The following SEMA3C variants were observed in gnomAD, a reference collection of about 807,000 sequenced individuals.
SEMA3C encodes semaphorin-3C.
A neutral mutation model predicts 89.4 loss-of-function variants in SEMA3C; 47 were observed. The ratio of observed to expected loss-of-function variants is 0.53; its 90% confidence interval spans 0.42 to 0.67. SEMA3C has a LOEUF of 0.67. SEMA3C is among the 30% of genes least tolerant of loss of function. The pLI is 0.00. For missense variants in SEMA3C, 839 were observed against 929.1 expected, an observed-to-expected ratio of 0.90 and a Z score of 1.26; for synonymous variants, 310 against 320.2, an observed-to-expected ratio of 0.97 and a Z score of 0.34.
At chr7:80,863,339 TAA>T (rs61621477) in intron 2 of SEMA3C, among the ~76,000 whole-genome samples, 1 of 128,138 alleles carries the variant, frequency 7.8e-6, no homozygotes. Context: ...ATCAAAATAT[TAA>T]AAAAAAAAAA....
chr7:80,750,493 CACACACACAT>C (rs1389871151), intron 16 of SEMA3C, among the ~76,000 whole-genome samples: 34 of 143,328 alleles, frequency 2.4e-4, no homozygotes, highest in African/African-American at 8.9e-4. Context: ...CACACACACA[CACACACACAT>C]ACACACACAC....
chr7:80,900,018 A>AT (rs1791837752), intron 2 of SEMA3C, among the ~76,000 whole-genome samples: 1 of 152,014 alleles, frequency 6.6e-6, no homozygotes, highest in South Asian at 2.1e-4. Flanking sequence ...GAAGTCTGGG[A>AT]TTTTCACATA....
chr7:80,814,631 G>A (rs938630840), intron 5 of SEMA3C, among the ~76,000 whole-genome samples: 1 of 151,602 alleles, frequency 6.6e-6, no homozygotes, highest in East Asian at 1.9e-4. Context: ...CTTTCCATGG[G>A]ATCTCTCATT....
chr7:80,875,422 T>C (rs1303483044), intron 2 of SEMA3C, among the ~76,000 whole-genome samples: 1 of 152,194 alleles, frequency 6.6e-6, no homozygotes, highest in East Asian at 1.9e-4. Context: ...TAAAGACACA[T>C]TTCTGGGAGA....
chr7:80,745,307 C>T lies in SEMA3C; in HGVS notation c.1843G>A (p.Val615Ile), dbSNP rs770423019. 8.7e-6 allele frequency: 14 copies of T among 1,611,776 alleles called. No individual in the cohort carries two copies. In the South Asian group the frequency reaches 1.4e-4, roughly 16 times the overall value. Reference sequence around the variant, plus strand: ...GCTATTATTCGTTCATTCAGCTTAACCTAAAAGAGAGACAAATTAAAGTTA... The same window carrying T: ...GCTATTATTCGTTCATTCAGCTTAATCTAAAAGAGAGACAAATTAAAGTTA... ...LQKDKDRRKE[V>I]KLNERIIATS... Residue 615 changes from valine to isoleucine, a missense_variant and splice_region_variant, in exon 18 of 18, where the codon GTT becomes ATT. Coordinates refer to ENST00000265361, the MANE Select transcript of SEMA3C (RefSeq NM_006379.5).
At chr7:80,913,786 CAACAGGGAAGGCA>C (rs1792207620) in intron 2 of SEMA3C, among the ~76,000 whole-genome samples, 1 of 152,172 alleles carries the variant, frequency 6.6e-6, no homozygotes, top group Non-Finnish European at 1.5e-5. Flanking sequence ...TGCCCTAGAT[CAACAGGGAAGGCA>C]AACCTGTAAA....
At chr7:80,853,268 A>G (rs1395749815) in intron 2 of SEMA3C, among the ~76,000 whole-genome samples, 2 of 152,182 alleles carry the variant, frequency 1.3e-5, no homozygotes, top group African/African-American at 4.8e-5. Context: ...ATTGCTGGGT[A>G]CATATGCAAA....
At chr7:80,882,068 C>A (rs1413240608) in intron 2 of SEMA3C, among the ~76,000 whole-genome samples, 1 of 152,134 alleles carries the variant, frequency 6.6e-6, no homozygotes, top group Non-Finnish European at 1.5e-5. Context: ...TGCCCACGTT[C>A]CTTCACTGTC....
intron 2 of SEMA3C, among the ~76,000 whole-genome samples, chr7:80,869,923 T>A (rs1791016216): frequency 6.6e-6 from 1 of 152,218 alleles, no homozygotes; most frequent in African/African-American, 2.4e-5. Context: ...GACATTACTT[T>A]CTCTGCTCAC....
chr7:80,881,245 C>G (rs1456710246), intron 2 of SEMA3C, among the ~76,000 whole-genome samples: 1 of 149,704 alleles, frequency 6.7e-6, no homozygotes, highest in Non-Finnish European at 1.5e-5. Flanking sequence ...TCATTTTAAC[C>G]AAGAAGTCAA....
chr7:80,894,128 T>C (rs1183403456), intron 2 of SEMA3C, among the ~76,000 whole-genome samples: 2 of 152,216 alleles, frequency 1.3e-5, no homozygotes, highest in African/African-American at 2.4e-5. Flanking sequence ...CTTTTGTAGA[T>C]AATACTGTCT....
At position 80,744,744 on chromosome 7, in the gene SEMA3C, T is replaced by A; in HGVS notation, c.*150A>T. 2 of 776,408 alleles carry A rather than the reference T, an allele frequency of 2.6e-6. No individual in the cohort carries two copies. Among genetic ancestry groups the A allele is most frequent in the African/African-American group, 1.7e-5 (1 of 57,176 alleles). The allele number at this position is 776,408 out of a possible 1,614,324, so 48.1% of individuals were successfully genotyped here. A position where few individuals can be genotyped will look rare whatever the true frequency, so the allele number is the denominator to read the frequency against. The stretch of plus-strand genomic sequence containing the variant: ...AGTCACTATCATACAAGAAAATGCA[T>A]GCTCATTTCAGTTCGTGTAAAACTC... On this transcript the variant is annotated 3_prime_UTR_variant, in exon 18 of 18. Coordinates refer to ENST00000265361, the MANE Select transcript of SEMA3C (RefSeq NM_006379.5).
chr7:80,828,753 A>C lies in SEMA3C; in HGVS notation c.104-8T>G, dbSNP rs201612300. 22 of 1,601,694 alleles carry C rather than the reference A, an allele frequency of 1.4e-5. No homozygotes were observed. Among genetic ancestry groups the C allele is most frequent in the Non-Finnish European group, 1.8e-5 (21 of 1,171,964 alleles). ...TCTTGGTTTCTCGAAGTTCTGAAAG[A>C]GTGAACAGCACAAGTGTAGATACAG... On this transcript the variant is annotated splice_region_variant and splice_polypyrimidine_tract_variant and intron_variant, in intron 2 of 17. Coordinates refer to ENST00000265361, the MANE Select transcript of SEMA3C (RefSeq NM_006379.5).
upstream of SEMA3C, among the ~76,000 whole-genome samples, chr7:80,920,398 A>G (rs1319522425): frequency 6.6e-6 from 1 of 152,180 alleles, no homozygotes; most frequent in Non-Finnish European, 1.5e-5. Context: ...TGAAACAATC[A>G]TTAAATTCTT....
At position 80,748,870 on chromosome 7, in the gene SEMA3C, T is replaced by C. The variant is rs113240226; in HGVS notation, c.1842+28A>G. On this transcript the variant is annotated intron_variant, in intron 17 of 17. Coordinates refer to ENST00000265361, the MANE Select transcript of SEMA3C (RefSeq NM_006379.5). ...TTTAATGTTCTCTCTGAAGCCCTGA[T>C]GGATTGCTGCTGTGCTGCTTTACTC... 1.6e-4 allele frequency: 250 copies of C among 1,590,672 alleles called. 2 individuals carry two copies. In the African/African-American group the frequency reaches 2.5e-3, roughly 16 times the overall value.
In SEMA3C at chr7:80,883,106, C is replaced by A. The variant is rs1021442867; in HGVS notation, c.103+33573G>T. 3.9e-5 allele frequency among the ~76,000 whole-genome samples: 6 copies of A among 152,220 alleles called. No individual in the cohort carries two copies. In the East Asian group the frequency reaches 9.7e-4, roughly 25 times the overall value. ...TTCTTTCATGTTTTACTGTTATATA[C>A]CTTTATATTTTATCTCTCAAGCATT... On this transcript the variant is annotated intron_variant, in intron 2 of 17. Transcript: ENST00000265361.
chr7:80,778,675 T>G (rs541894514), intron 12 of SEMA3C, among the ~76,000 whole-genome samples: 1 of 152,112 alleles, frequency 6.6e-6, no homozygotes, highest in African/African-American at 2.4e-5. Flanking sequence ...TTTCTGTTCA[T>G]GTCTCAGGTC....
At position 80,804,197 on chromosome 7, in the gene SEMA3C, T is replaced by C. The variant is rs1057338912; in HGVS notation, c.710A>G (p.Asp237Gly). 1 of 1,612,708 alleles carries C rather than the reference T, an allele frequency of 6.2e-7. No individual in the cohort carries two copies. The highest frequency in any genetic ancestry group is 8.5e-7 in the Non-Finnish European group (1 of 1,179,106). The part of the protein sequence containing the change: ...HVIPDGTDPN[D>G]AKVYFFFKEK... Reference sequence around the variant, plus strand: ...TTTGAAGAAGAAGTACACCTTAGCATCATTTGGATCAGTACCATCTGGGAT... The same window carrying C: ...TTTGAAGAAGAAGTACACCTTAGCACCATTTGGATCAGTACCATCTGGGAT... Residue 237 changes from aspartate to glycine, a missense_variant, in exon 8 of 18, where the codon GAT (aspartate) becomes GGT (glycine). Asp to Gly is a moderately conservative substitution (Grantham distance 94). Transcript: ENST00000265361.
At chr7:80,844,457 T>C (rs1406193361) in intron 2 of SEMA3C, among the ~76,000 whole-genome samples, 3 of 152,144 alleles carry the variant, frequency 2.0e-5, no homozygotes, top group Non-Finnish European at 4.4e-5. Flanking sequence ...CACTTACTTG[T>C]TTTATCATCT....
Sources: gnomAD v4.1 joint callset for allele counts (sites outside exome capture counted in the v4.1 genomes callset) on GRCh38, gnomAD v4.1.1 for gene constraint, MANE v1.5 for transcripts, NCBI Gene and HGNC (gene_info 2026-07-23, HGNC 2026-07-21) for gene names.